Variants in NEMP2 observed in about 807,000 individuals in gnomAD.
NEMP2 encodes the protein nuclear envelope integral membrane protein 2.
Under a neutral mutation model 54.2 loss-of-function variants are expected in NEMP2, and 53 were observed. The ratio of observed to expected loss-of-function variants is 0.98; its 90% CI spans 0.78 to 1.23. The LOEUF is 1.23. NEMP2 is among the 50% of genes most tolerant of loss of function. The pLI is 0.00. For missense variants in NEMP2, 455 were observed against 511.3 expected, an observed-to-expected ratio of 0.89 and a Z score of 1.06; for synonymous variants, 197 against 190.3, an observed-to-expected ratio of 1.04 and a Z score of -0.29.
chr2:190,588,316 A>G, the NEMP2 span, among the ~76,000 whole-genome samples: 1 of 152,192 alleles, frequency 6.6e-6, no homozygotes, highest in Non-Finnish European at 1.5e-5. This position sits in a 1 kb window ranked among gnomAD's most constrained non-coding sequence, Gnocchi z 5.0. Context: ...ATGTTGGTGG[A>G]TGATAATGAG....
chr2:190,599,038 G>A, the NEMP2 span, among the ~76,000 whole-genome samples: 26 of 152,192 alleles, frequency 1.7e-4, 1 homozygote, highest in South Asian at 5.2e-3. Flanking sequence ...AAGGAGTATG[G>A]GCCAGGACTT....
the NEMP2 span, chr2:190,489,972 T>C: frequency 1.1e-6 from 1 of 880,654 alleles, no homozygotes; most frequent in Non-Finnish European, 1.7e-6. This position sits in a 1 kb window ranked among gnomAD's most constrained non-coding sequence, Gnocchi z 6.6. Flanking sequence ...AACAGGTCTG[T>C]TTGGCTCAAT....
the NEMP2 span, among the ~76,000 whole-genome samples, chr2:190,424,189 A>T: frequency 3.3e-5 from 5 of 150,812 alleles, no homozygotes; most frequent in Non-Finnish European, 7.4e-5. The surrounding 1 kb of genome is among the most constrained non-coding windows in gnomAD (Gnocchi z 5.9). Context: ...ATCGGTGTCA[A>T]GTCTAAAAAC....
the NEMP2 span, among the ~76,000 whole-genome samples, chr2:190,478,086 T>G: frequency 3.3e-5 from 5 of 152,216 alleles, no homozygotes; most frequent in Non-Finnish European, 7.3e-5. Flanking sequence ...AATACTTGTA[T>G]GCACCTCAGG....
the NEMP2 span, among the ~76,000 whole-genome samples, chr2:190,544,684 T>C: frequency 6.6e-6 from 1 of 151,944 alleles, no homozygotes; most frequent in African/African-American, 2.4e-5. Context: ...ATGGGAAAAA[T>C]AGTATAATCA....
chr2:190,496,927 G>A, the NEMP2 span, among the ~76,000 whole-genome samples: 1 of 152,158 alleles, frequency 6.6e-6, no homozygotes, highest in Non-Finnish European at 1.5e-5. This position sits in a 1 kb window ranked among gnomAD's most constrained non-coding sequence, Gnocchi z 4.7. Flanking sequence ...TGGGAAAGGG[G>A]TGAGGGATAC....
At chr2:190,425,722 C>A in the NEMP2 span, among the ~76,000 whole-genome samples, 1 of 152,014 alleles carries the variant, frequency 6.6e-6, no homozygotes, top group Non-Finnish European at 1.5e-5. The surrounding 1 kb of genome is among the most constrained non-coding windows in gnomAD (Gnocchi z 4.3). Context: ...TTGTATAATT[C>A]TTTTTATATG....
Position 190,514,777 on chromosome 2 carries a change from A to G in NEMP2, c.728-99T>C. The stretch of plus-strand genomic sequence containing the variant: ...GACTTAAAGGTAAAAACTATTAGAG[A>G]ACCTTAATTTTTGTGTTTTTTACCC... On this transcript the variant is annotated intron_variant, in intron 6 of 8. Coordinates refer to ENST00000409150, the MANE Select transcript of NEMP2 (RefSeq NM_001142645.2). The surrounding 1 kb of genome is among the most constrained non-coding windows in gnomAD (Gnocchi z 5.7). 1 of 1,176,084 alleles carries G rather than the reference A, an allele frequency of 8.5e-7. No homozygotes were observed. The highest frequency in any genetic ancestry group is 1.2e-6 in the Non-Finnish European group (1 of 834,724). 72.9% of individuals were successfully genotyped at this position (1,176,084 alleles called of 1,614,324 possible).
At chr2:190,584,818 G>A in the NEMP2 span, among the ~76,000 whole-genome samples, 1 of 151,848 alleles carries the variant, frequency 6.6e-6, no homozygotes, top group Admixed American at 6.6e-5. The surrounding 1 kb of genome is among the most constrained non-coding windows in gnomAD (Gnocchi z 4.2). Flanking sequence ...CAAGGTTACA[G>A]TGAGCTATGA....
At chr2:190,437,524 T>G in the NEMP2 span, 1 of 1,614,146 alleles carries the variant, frequency 6.2e-7, no homozygotes, top group East Asian at 2.2e-5. This position sits in a 1 kb window ranked among gnomAD's most constrained non-coding sequence, Gnocchi z 5.9. Flanking sequence ...AGCATATTTT[T>G]TTAGTCACAA....
chr2:190,555,603 G>A, the NEMP2 span, among the ~76,000 whole-genome samples: 1 of 151,706 alleles, frequency 6.6e-6, no homozygotes, highest in African/African-American at 2.4e-5. The surrounding 1 kb of genome is among the most constrained non-coding windows in gnomAD (Gnocchi z 4.8). Context: ...GAAATAAAGC[G>A]AGAAGACATG....
chr2:190,626,806 CAAGTGTGCGTGCCATAT>C, the NEMP2 span: 1 of 152,108 alleles, frequency 6.6e-6, no homozygotes, highest in Non-Finnish European at 1.5e-5. This position sits in a 1 kb window ranked among gnomAD's most constrained non-coding sequence, Gnocchi z 4.5. Flanking sequence ...CTGGGTTTCC[CAAGTGTGCGTGCCATAT>C]CTGAAACAGA....
chr2:190,551,164 T>G, the NEMP2 span, among the ~76,000 whole-genome samples: 1 of 151,646 alleles, frequency 6.6e-6, no homozygotes, highest in African/African-American at 2.4e-5. Context: ...TATTCTCAGC[T>G]ACATAGTGTG....
chr2:190,564,049 T>C, the NEMP2 span, among the ~76,000 whole-genome samples: 1 of 152,236 alleles, frequency 6.6e-6, no homozygotes, highest in Non-Finnish European at 1.5e-5. The surrounding 1 kb of genome is among the most constrained non-coding windows in gnomAD (Gnocchi z 4.2). Context: ...GTATGAAGAA[T>C]TAGAAAGATA....
chr2:190,633,714 A>G, the NEMP2 span, among the ~76,000 whole-genome samples: 2 of 152,234 alleles, frequency 1.3e-5, no homozygotes, highest in African/African-American at 4.8e-5. Context: ...GTGTGTACCT[A>G]GCAATAGAGA....
the NEMP2 span, among the ~76,000 whole-genome samples, chr2:190,549,617 GC>G: frequency 1.3e-5 from 2 of 152,020 alleles, no homozygotes; most frequent in Admixed American, 6.6e-5. Context: ...TCGATGAATA[GC>G]AATTATTACT....
At chr2:190,462,708 G>A in the NEMP2 span, among the ~76,000 whole-genome samples, 2 of 152,274 alleles carry the variant, frequency 1.3e-5, no homozygotes, top group East Asian at 3.9e-4. The surrounding 1 kb of genome is among the most constrained non-coding windows in gnomAD (Gnocchi z 5.7). Context: ...TGGAAGGGAT[G>A]ATTCCTTTCA....
chr2:190,588,173 G>T, the NEMP2 span, among the ~76,000 whole-genome samples: 63,105 of 152,000 alleles, frequency 0.42, 14,377 homozygotes, highest in Non-Finnish European at 0.53. This position sits in a 1 kb window ranked among gnomAD's most constrained non-coding sequence, Gnocchi z 5.0. Context: ...AGACATTTTT[G>T]CAGTGGGACC....
the NEMP2 span, among the ~76,000 whole-genome samples, chr2:190,486,565 A>C: frequency 6.6e-6 from 1 of 152,154 alleles, no homozygotes; most frequent in African/African-American, 2.4e-5. Context: ...CCCATCTCTC[A>C]GGGATCACTG....
Sources: gnomAD v4.1 joint callset for allele counts (sites outside exome capture counted in the v4.1 genomes callset) on GRCh38, gnomAD v4.1.1 for gene constraint, Gnocchi (gnomAD v3.1) non-coding constraint, MANE v1.5 for transcripts, NCBI Gene and HGNC (gene_info 2026-07-23, HGNC 2026-07-21) for gene names.